HIPK2: variants seen among roughly 807,000 people sequenced by gnomAD.
HIPK2 encodes the protein homeodomain-interacting protein kinase 2.
In HIPK2, 27 loss-of-function variants were observed where a neutral mutation model predicts 113.7. That is an observed-to-expected ratio of 0.24 (90% CI 0.17 to 0.33). The LOEUF (loss-of-function observed/expected upper bound fraction) is 0.33, where lower values mean the gene tolerates loss of function less well. Among genes scored for constraint, HIPK2 ranks in the 10% least tolerant of loss-of-function variants. HIPK2 has a pLI of 1.00. For missense variants in HIPK2, 1,257 were observed against 1,588.0 expected (o/e 0.79, Z 3.54); for synonymous variants, 631 against 642.2 (o/e 0.98, Z 0.26).
At chr7:139,575,430 G>A (rs765775080) in intron 13 of HIPK2, 142 bp from the exon 14 acceptor site, 296 of 907,158 alleles carry the variant, frequency 3.3e-4, no homozygotes, top group Middle Eastern at 2.4e-3. Context: ...CATCTCCCCC[G>A]GACCCACTAG....
At chr7:139,640,096 C>A (rs556304668) in intron 2 of HIPK2, among the ~76,000 whole-genome samples, 2 of 152,096 alleles carry the variant, frequency 1.3e-5, no homozygotes, top group South Asian at 4.1e-4. Flanking sequence ...CTTAAAGAAT[C>A]GCCTCATTAC....
intron 2 of HIPK2, among the ~76,000 whole-genome samples, chr7:139,677,975 G>T (rs974153034): frequency 2.4e-4 from 36 of 152,212 alleles, no homozygotes; most frequent in African/African-American, 8.7e-4. Context: ...GACCAGTGAT[G>T]ATGAGCTTTT....
Position 139,612,244 on chromosome 7 carries a change from A to G in HIPK2, c.2112+958T>C, listed in dbSNP as rs569110339. ...TTAAAAATTAAACAACAACAAAAACAACTTCCATTTAACAAGACAGGACAA... is the reference window on the plus strand; with the variant it reads ...TTAAAAATTAAACAACAACAAAAACGACTTCCATTTAACAAGACAGGACAA... On this transcript the variant is annotated intron_variant, in intron 9 of 14. Transcript: ENST00000406875. Among the ~76,000 whole-genome samples, 8 of 152,346 alleles carry G rather than the reference A, an allele frequency of 5.3e-5. No individual in the cohort carries two copies. In the South Asian group the frequency reaches 8.3e-4, roughly 16 times the overall value.
At chr7:139,719,514 C>A (rs1352629917) in intron 1 of HIPK2, among the ~76,000 whole-genome samples, 1 of 152,192 alleles carries the variant, frequency 6.6e-6, no homozygotes, top group African/African-American at 2.4e-5. Context: ...GTGACCCCCA[C>A]ATGTTTATCA....
intron 2 of HIPK2, among the ~76,000 whole-genome samples, chr7:139,632,315 T>TC (rs1165447881): frequency 6.6e-6 from 1 of 152,172 alleles, no homozygotes; most frequent in Non-Finnish European, 1.5e-5. Flanking sequence ...CACACCTAAC[T>TC]CGAGGTATTC....
At chr7:139,604,576 G>A (rs1407977328) in intron 9 of HIPK2, among the ~76,000 whole-genome samples, 2 of 151,554 alleles carry the variant, frequency 1.3e-5, no homozygotes, top group Non-Finnish European at 2.9e-5. Flanking sequence ...AGCTACTTGG[G>A]AGGCTAAGGC....
intron 2 of HIPK2, among the ~76,000 whole-genome samples, chr7:139,676,624 G>A (rs916624127): frequency 1.3e-5 from 2 of 152,186 alleles, no homozygotes; most frequent in Non-Finnish European, 2.9e-5. Flanking sequence ...ACAGACCAAA[G>A]CTAGATATGA....
chr7:139,604,306 G>C, intron 9 of HIPK2, 83 bp from the exon 10 acceptor site: 1 of 1,528,406 alleles, frequency 6.5e-7, no homozygotes, highest in Admixed American at 1.9e-5. Context: ...TTCTGTGCCT[G>C]GGGTTGTGCT....
intron 1 of HIPK2, among the ~76,000 whole-genome samples, chr7:139,744,929 T>C (rs1460103230): frequency 1.3e-5 from 2 of 152,220 alleles, no homozygotes; most frequent in Non-Finnish European, 2.9e-5. Flanking sequence ...GTGCTGGAAG[T>C]CACGTTAAGC....
intron 2 of HIPK2, among the ~76,000 whole-genome samples, chr7:139,666,918 G>A (rs1802067674): frequency 6.6e-6 from 1 of 152,028 alleles, no homozygotes; most frequent in East Asian, 1.9e-4. Flanking sequence ...AAAATTAGCT[G>A]GGTGTAGTGG....
rs187550285 is a variant in HIPK2, at chr7:139,612,044, G to C, written c.2112+1158C>G. On this transcript the variant is annotated intron_variant, in intron 9 of 14. Coordinates refer to ENST00000406875, the MANE Select transcript of HIPK2 (RefSeq NM_022740.5). ...TTAAAAACATGAAGGGACAAGAACA[G>C]ACAAGGAAAATTTGAAGAACTCTCT... 1.8e-4 allele frequency among the ~76,000 whole-genome samples: 27 copies of C among 151,986 alleles called. 1 individual carries two copies. In the East Asian group the frequency reaches 5.2e-3, roughly 29 times the overall value.
rs574074184 is a variant in HIPK2, at chr7:139,737,239, C to A, written c.20-20224G>T. The stretch of plus-strand genomic sequence containing the variant: ...GAATCCAAACAAAAAGGTGGGAGGA[C>A]GTATGAGGATACATTCTAAGGGGCA... On this transcript the variant is annotated intron_variant, in intron 1 of 14. Transcript: ENST00000406875. 8.1e-4 allele frequency among the ~76,000 whole-genome samples: 124 copies of A among 152,188 alleles called. 1 individual carries two copies. The highest frequency in any genetic ancestry group is 2.8e-3 in the African/African-American group (115 of 41,486).
At chr7:139,622,906 G>A (rs562005078) in intron 6 of HIPK2, among the ~76,000 whole-genome samples, 1 of 152,302 alleles carries the variant, frequency 6.6e-6, no homozygotes, top group African/African-American at 2.4e-5. Flanking sequence ...ATGTGACCAA[G>A]CCGTGAAACA....
At position 139,600,405 on chromosome 7, in the gene HIPK2, C is replaced by G; in HGVS notation, c.2435+12G>C. On this transcript the variant is annotated intron_variant, in intron 11 of 14. Transcript: ENST00000406875. ...GGGATTTCTCTTCCCTAGGGTGGCT[C>G]TCACCACCTACCTCACAGATGACTG... is the stretch of plus-strand genomic sequence containing the variant. 1.2e-6 allele frequency: 2 copies of G among 1,611,052 alleles called. No individual in the cohort carries two copies. The highest frequency in any genetic ancestry group is 1.7e-6 in the Non-Finnish European group (2 of 1,178,680).
At chr7:139,607,827 C>G (rs1000583520) in intron 9 of HIPK2, among the ~76,000 whole-genome samples, 4 of 151,738 alleles carry the variant, frequency 2.6e-5, no homozygotes, top group African/African-American at 7.3e-5. Flanking sequence ...TCTTCATCTT[C>G]CATAATAGGA....
chr7:139,596,441 G>T (rs1446382063), intron 12 of HIPK2, among the ~76,000 whole-genome samples: 1 of 152,202 alleles, frequency 6.6e-6, no homozygotes, highest in Non-Finnish European at 1.5e-5. Flanking sequence ...GGCATTGTGT[G>T]CCCGATTTTT....
At chr7:139,730,228 C>T (rs1795729082) in intron 1 of HIPK2, among the ~76,000 whole-genome samples, 1 of 152,208 alleles carries the variant, frequency 6.6e-6, no homozygotes, top group African/African-American at 2.4e-5. Flanking sequence ...GCCCAGTCCA[C>T]AGCTGAGGTG....
Position 139,704,560 on chromosome 7 carries a change from T to C in HIPK2, c.1103+11372A>G, listed in dbSNP as rs1026127540. Among the ~76,000 whole-genome samples the C allele has an allele frequency of 9.6e-4, 144 of 149,578 alleles. 1 individual carries two copies. The highest frequency in any genetic ancestry group is 3.3e-3 in the African/African-American group (134 of 40,536). ...CCCCATACACACAGCAACATATACA[T>C]ACCCCATGTGAACACATACAAACCA... On this transcript the variant is annotated intron_variant, in intron 2 of 14. Coordinates refer to ENST00000406875, the MANE Select transcript of HIPK2 (RefSeq NM_022740.5).
At chr7:139,619,279 C>T (rs562022263) in intron 7 of HIPK2, among the ~76,000 whole-genome samples, 1 of 152,312 alleles carries the variant, frequency 6.6e-6, no homozygotes, top group African/African-American at 2.4e-5. Flanking sequence ...ATTTCAGGTA[C>T]ACACACATCC....
Sources: gnomAD v4.1 joint callset for allele counts (sites outside exome capture counted in the v4.1 genomes callset) on GRCh38, gnomAD v4.1.1 for gene constraint, MANE v1.5 for transcripts, NCBI Gene and HGNC (gene_info 2026-07-23, HGNC 2026-07-21) for gene names.